The following LRRC7 variants were observed in gnomAD, a reference collection of about 807,000 sequenced individuals.
The protein encoded by LRRC7 is leucine rich repeat containing 7, also known as leucine-rich repeat-containing protein 7.
Under a neutral mutation model 175.7 loss-of-function variants are expected in LRRC7, and 23 were observed. The observed-to-expected ratio is 0.13, with a 90% CI of 0.09 to 0.19. The LOEUF is 0.19. Among genes scored for constraint, LRRC7 ranks in the 10% least tolerant of loss-of-function variants. The pLI, the probability that LRRC7 is intolerant of heterozygous loss-of-function variation, is 1.00. For synonymous variants in LRRC7, 685 were observed against 680.9 expected (o/e 1.01, Z -0.09); for missense variants, 1,354 against 1,904.7 (o/e 0.71, Z 5.38).
intron 3 of LRRC7, among the ~76,000 whole-genome samples, chr1:69,780,595 A>T (rs1465460409): frequency 6.6e-6 from 1 of 152,252 alleles, no homozygotes. Flanking sequence ...CCAAGTATGT[A>T]TATAAAACCA....
Position 70,121,955 on chromosome 1 carries a change from A to G in LRRC7, c.*68A>G. The stretch of plus-strand genomic sequence containing the variant: ...TGTTCAAAAATAAATTTATACATAG[A>G]AACAAATTTTGCCAATTGCTGGACC... On this transcript the variant is annotated 3_prime_UTR_variant, in exon 27 of 27. Coordinates refer to ENST00000651989, the MANE Select transcript of LRRC7 (RefSeq NM_001370785.2). 1 of 1,212,362 alleles carries G rather than the reference A, an allele frequency of 8.2e-7. No homozygotes were observed. The highest frequency in any genetic ancestry group is 1.3e-5 in the South Asian group (1 of 76,900). 75.1% of individuals were successfully genotyped at this position (1,212,362 alleles called of 1,614,324 possible).
At chr1:70,112,812 G>GAGC (rs1027881610) in intron 26 of LRRC7, among the ~76,000 whole-genome samples, 3 of 152,092 alleles carry the variant, frequency 2.0e-5, no homozygotes, top group African/African-American at 7.2e-5. Context: ...GGAGGAGGAG[G>GAGC]AGGAGGAATA....
intron 8 of LRRC7, among the ~76,000 whole-genome samples, chr1:69,972,986 A>G (rs1411004693): frequency 6.8e-6 from 1 of 146,098 alleles, no homozygotes; most frequent in East Asian, 2.0e-4. Context: ...AATACTATAT[A>G]TATAAATACT....
chr1:70,059,262 C>A (rs1410563931), intron 23 of LRRC7, among the ~76,000 whole-genome samples: 1 of 152,096 alleles, frequency 6.6e-6, no homozygotes, highest in Non-Finnish European at 1.5e-5. Context: ...AGATGGATAA[C>A]AAGGGTCAAT....
intron 18 of LRRC7, among the ~76,000 whole-genome samples, chr1:70,035,725 C>A (rs1407280767): frequency 6.6e-6 from 1 of 150,782 alleles, no homozygotes; most frequent in Non-Finnish European, 1.5e-5. Context: ...GTGTATATAT[C>A]ATATTTGTGT....
intron 8 of LRRC7, among the ~76,000 whole-genome samples, chr1:69,945,253 G>A (rs548230562): frequency 1.2e-3 from 188 of 152,132 alleles, no homozygotes; most frequent in African/African-American, 4.4e-3. Flanking sequence ...ATTTATCAGA[G>A]ACTATCCTTT....
intron 5 of LRRC7, among the ~76,000 whole-genome samples, chr1:69,826,243 T>C (rs1251118860): frequency 6.6e-6 from 1 of 152,082 alleles, no homozygotes; most frequent in Non-Finnish European, 1.5e-5. Flanking sequence ...TCAAGGGAAT[T>C]AAGTATGACC....
In LRRC7 at chr1:70,038,667, C is replaced by G; in HGVS notation, c.2843C>G (p.Ser948Cys). The G allele has an allele frequency of 1.2e-6, 2 of 1,614,114 alleles. No individual in the cohort carries two copies. Among genetic ancestry groups the G allele is most frequent in the Non-Finnish European group, 1.7e-6 (2 of 1,180,008 alleles). The change falls in exon 21 of 27, where the codon TCT (serine) becomes TGT (cysteine). Residue 948 changes from serine to cysteine, a missense_variant. Ser to Cys is a moderately radical substitution (Grantham distance 112). Transcript: ENST00000651989. The part of the protein sequence containing the change: ...NPNRSLSNVF[S>C]QIHCRPESSK... ...AACAGGAGTCTTAGTAATGTCTTTTCTCAAATCCACTGCCGCCCGGAATCT... is the reference window on the plus strand; with the variant it reads ...AACAGGAGTCTTAGTAATGTCTTTTGTCAAATCCACTGCCGCCCGGAATCT...
At chr1:69,742,073 T>C (rs1668773247) in intron 2 of LRRC7, among the ~76,000 whole-genome samples, 1 of 152,138 alleles carries the variant, frequency 6.6e-6, no homozygotes, top group East Asian at 1.9e-4. Flanking sequence ...GGTGTGTGTT[T>C]TTATGTGAGT....
At chr1:70,086,444 T>C (rs990118097) in intron 24 of LRRC7, among the ~76,000 whole-genome samples, 5 of 152,168 alleles carry the variant, frequency 3.3e-5, no homozygotes, top group African/African-American at 9.7e-5. Context: ...CTACTGCATA[T>C]GTTTTCGGCC....
intron 25 of LRRC7, among the ~76,000 whole-genome samples, chr1:70,103,302 A>G (rs1020472037): frequency 6.6e-6 from 1 of 152,094 alleles, no homozygotes; most frequent in Non-Finnish European, 1.5e-5. Context: ...AGGACTTTGC[A>G]GATGTGGTGA....
intron 2 of LRRC7, among the ~76,000 whole-genome samples, chr1:69,732,654 A>G (rs1368204566): frequency 6.6e-6 from 1 of 152,100 alleles, no homozygotes; most frequent in East Asian, 1.9e-4. Flanking sequence ...AGAATTCTTC[A>G]ATCCTCAATT....
chr1:69,840,252 T>C (rs1302721496), intron 7 of LRRC7, among the ~76,000 whole-genome samples: 1 of 152,026 alleles, frequency 6.6e-6, no homozygotes, highest in African/African-American at 2.4e-5. Flanking sequence ...AAATTCTTCT[T>C]TGAATAAAAA....
chr1:70,054,583 T>TC (rs1660993012), intron 23 of LRRC7, among the ~76,000 whole-genome samples: 1 of 96,464 alleles, frequency 1.0e-5, no homozygotes, highest in Non-Finnish European at 2.0e-5. Flanking sequence ...CTCTACTTTT[T>TC]TTTTTTTTTT....
intron 1 of LRRC7, among the ~76,000 whole-genome samples, chr1:69,627,843 T>C (rs1343418286): frequency 7.3e-6 from 1 of 136,218 alleles, no homozygotes; most frequent in Non-Finnish European, 1.7e-5. Flanking sequence ...TGAATTGGAA[T>C]ATAATTTGGT....
intron 2 of LRRC7, among the ~76,000 whole-genome samples, chr1:69,727,721 G>A (rs763685060): frequency 1.3e-5 from 2 of 152,326 alleles, no homozygotes; most frequent in South Asian, 2.1e-4. Flanking sequence ...AAGGCTCAGA[G>A]TGTATTGAAG....
At chr1:69,838,111 A>T (rs982344085) in intron 6 of LRRC7, 116 bp from the exon 7 acceptor site, 4 of 604,698 alleles carry the variant, frequency 6.6e-6, no homozygotes, top group African/African-American at 1.9e-5. Flanking sequence ...AGTTATTTTT[A>T]AATATACATT....
chr1:69,930,021 T>C (rs1214885013), intron 7 of LRRC7, among the ~76,000 whole-genome samples: 2 of 152,302 alleles, frequency 1.3e-5, no homozygotes, highest in East Asian at 1.9e-4. Flanking sequence ...CGTATTCTCA[T>C]TGAGGCCTTA....
chr1:69,664,274 A>C (rs546664159), intron 1 of LRRC7, among the ~76,000 whole-genome samples: 1 of 152,322 alleles, frequency 6.6e-6, no homozygotes, highest in Admixed American at 6.5e-5. Flanking sequence ...TGGGCTACAG[A>C]TATCTTTTTG....
Sources: gnomAD v4.1 joint callset for allele counts (sites outside exome capture counted in the v4.1 genomes callset) on GRCh38, gnomAD v4.1.1 for gene constraint, MANE v1.5 for transcripts, NCBI Gene and HGNC (gene_info 2026-07-23, HGNC 2026-07-21) for gene names.